MNAT1: variants seen among roughly 807,000 people sequenced by gnomAD.
MNAT1 encodes CDK-activating kinase assembly factor MAT1.
Under a neutral mutation model 42.0 loss-of-function variants are expected in MNAT1, and 43 were observed. The observed-to-expected ratio is 1.02, with a 90% CI of 0.80 to 1.32. The LOEUF (loss-of-function observed/expected upper bound fraction) is 1.32, where lower values mean the gene tolerates loss of function less well. MNAT1 is among the 40% of genes most tolerant of loss of function. The pLI, the probability that MNAT1 is intolerant of heterozygous loss-of-function variation, is 0.00. For missense variants in MNAT1, 306 were observed against 350.4 expected (o/e 0.87, Z 1.01); for synonymous variants, 118 against 120.0 (o/e 0.98, Z 0.11).
At chr14:60,850,904 T>C (rs1384206747) in intron 6 of MNAT1, among the ~76,000 whole-genome samples, 2 of 152,220 alleles carry the variant, frequency 1.3e-5, no homozygotes, top group Non-Finnish European at 2.9e-5. Flanking sequence ...GGGAAAATGA[T>C]CTGTTTTAAG....
Position 60,958,890 on chromosome 14 carries a change from C to T in MNAT1, c.810-9339C>T, listed in dbSNP as rs530816663. 4.6e-5 allele frequency among the ~76,000 whole-genome samples: 7 copies of T among 152,224 alleles called. No homozygotes were observed. In the South Asian group the frequency reaches 8.3e-4, roughly 18 times the overall value. Reference sequence around the variant, plus strand: ...TCCTGACCTCGTGATCTGCCTGCCTCGGCCTCCCAAAGTGCTGGGATTACA... The same window carrying T: ...TCCTGACCTCGTGATCTGCCTGCCTTGGCCTCCCAAAGTGCTGGGATTACA... On this transcript the variant is annotated intron_variant, in intron 7 of 7. Transcript: ENST00000261245.
intron 7 of MNAT1, among the ~76,000 whole-genome samples, chr14:60,911,896 G>T (rs2035375751): frequency 6.6e-6 from 1 of 152,046 alleles, no homozygotes; most frequent in Non-Finnish European, 1.5e-5. Flanking sequence ...CTGTCTCGTT[G>T]ATCTGTCTAA....
Position 60,872,869 on chromosome 14 carries a change from C to CACACACAT in MNAT1, c.688-6844_688-6843insCACACATA, listed in dbSNP as rs1006134171. On this transcript the variant is annotated intron_variant, in intron 6 of 7. Coordinates refer to ENST00000261245, the MANE Select transcript of MNAT1 (RefSeq NM_002431.4). ...ACACACACACACACACACACACACACATATATATATGCACTTTTTTTCCCC... is the reference window on the plus strand; with the variant it reads ...ACACACACACACACACACACACACACACACACATATATATATATGCACTTTTTTTCCCC... Among the ~76,000 whole-genome samples, 73 of 139,214 alleles carry CACACACAT rather than the reference C, an allele frequency of 5.2e-4. 1 individual carries two copies. The highest frequency in any genetic ancestry group is 1.8e-3 in the African/African-American group (68 of 36,828). 91.3% of individuals were successfully genotyped at this position (139,214 alleles called of 152,430 possible).
intron 6 of MNAT1, among the ~76,000 whole-genome samples, chr14:60,846,948 C>G (rs1248953292): frequency 1.3e-5 from 2 of 152,126 alleles, no homozygotes; most frequent in African/African-American, 4.8e-5. Flanking sequence ...AAATCTCTGA[C>G]TATTATTGTT....
intron 6 of MNAT1, among the ~76,000 whole-genome samples, chr14:60,852,751 G>A (rs2033855593): frequency 6.6e-6 from 1 of 152,142 alleles, no homozygotes; most frequent in Admixed American, 6.5e-5. Flanking sequence ...TCCAGTTTCA[G>A]TTTTCTGCAT....
At chr14:60,898,145 G>A (rs924546635) in intron 7 of MNAT1, among the ~76,000 whole-genome samples, 82 of 123,712 alleles carry the variant, frequency 6.6e-4, no homozygotes, top group African/African-American at 1.4e-3. Context: ...GTGTGTGCGC[G>A]CGCCACATTT....
rs557558334 is a variant in MNAT1, at chr14:60,920,685, C to T, written c.809+40850C>T. ...CTCGAACTCCTGACCTCAAGTGATC[C>T]ACCTGCCTCAGCCTCCCAAAGTGCT... On this transcript the variant is annotated intron_variant, in intron 7 of 7. Coordinates refer to ENST00000261245, the MANE Select transcript of MNAT1 (RefSeq NM_002431.4). 1.8e-4 allele frequency among the ~76,000 whole-genome samples: 28 copies of T among 152,234 alleles called. No individual in the cohort carries two copies. The East Asian group carries it at 5.2e-3, about 28-fold the overall frequency.
At chr14:60,955,895 T>C (rs891555513) in intron 7 of MNAT1, among the ~76,000 whole-genome samples, 1 of 152,108 alleles carries the variant, frequency 6.6e-6, no homozygotes, top group Non-Finnish European at 1.5e-5. Context: ...TTGAGTCTTC[T>C]TTCTTTTTTC....
At position 60,810,811 on chromosome 14, in the gene MNAT1, G is replaced by A. The variant is rs746078747; in HGVS notation, c.421-1176G>A. The stretch of plus-strand genomic sequence containing the variant: ...AGTTCTGTGTGTGCTTGGGAAGATC[G>A]TGTATTCCGCTGCTGTTGAGTAGAA... On this transcript the variant is annotated intron_variant, in intron 4 of 7. Transcript: ENST00000261245. Among the ~76,000 whole-genome samples, 7 of 152,230 alleles carry A rather than the reference G, an allele frequency of 4.6e-5. No individual in the cohort carries two copies. The East Asian group carries it at 7.7e-4, about 17-fold the overall frequency.
chr14:60,741,658 G>T (rs375387266), intron 1 of MNAT1, among the ~76,000 whole-genome samples: 80 of 92,026 alleles, frequency 8.7e-4, no homozygotes, highest in African/African-American at 2.4e-3. Flanking sequence ...TGCGCCTGGG[G>T]TTTTTTTTTT....
intron 1 of MNAT1, among the ~76,000 whole-genome samples, chr14:60,775,063 G>A (rs2031199523): frequency 6.6e-6 from 1 of 152,108 alleles, no homozygotes; most frequent in African/African-American, 2.4e-5. Flanking sequence ...AGGGGGAGAA[G>A]AATGCCCACG....
intron 6 of MNAT1, among the ~76,000 whole-genome samples, chr14:60,821,488 C>A (rs2032888738): frequency 6.6e-6 from 1 of 152,152 alleles, no homozygotes; most frequent in Admixed American, 6.5e-5. Flanking sequence ...ATATTAGGCT[C>A]ACATTTAATA....
intron 6 of MNAT1, among the ~76,000 whole-genome samples, chr14:60,844,492 A>G (rs372806720): frequency 1.3e-5 from 2 of 152,028 alleles, no homozygotes; most frequent in Admixed American, 1.3e-4. Flanking sequence ...GGAAATAGTT[A>G]TTTCAAATCT....
intron 1 of MNAT1, among the ~76,000 whole-genome samples, chr14:60,784,978 G>C (rs1488605808): frequency 1.3e-5 from 2 of 152,014 alleles, no homozygotes; most frequent in Non-Finnish European, 2.9e-5. Flanking sequence ...TCAGCCTCCT[G>C]AGTAGCTGGG....
At chr14:60,859,620 G>A (rs992578245) in intron 6 of MNAT1, among the ~76,000 whole-genome samples, 5 of 152,032 alleles carry the variant, frequency 3.3e-5, no homozygotes, top group African/African-American at 9.7e-5. Context: ...TTCTTTAAAC[G>A]CACTACTGTT....
chr14:60,950,520 C>A (rs1034837166), intron 7 of MNAT1, among the ~76,000 whole-genome samples: 6 of 152,182 alleles, frequency 3.9e-5, no homozygotes, highest in Admixed American at 3.3e-4. Context: ...GCCTGCAGGC[C>A]ACATGCAGCC....
At chr14:60,801,799 T>C (rs2032209872) in intron 3 of MNAT1, among the ~76,000 whole-genome samples, 1 of 152,172 alleles carries the variant, frequency 6.6e-6, no homozygotes, top group African/African-American at 2.4e-5. Flanking sequence ...AGAACTACCA[T>C]ATGATCCAGT....
chr14:60,836,777 A>C (rs796611338), intron 6 of MNAT1, among the ~76,000 whole-genome samples: 42 of 152,242 alleles, frequency 2.8e-4, no homozygotes, highest in African/African-American at 9.9e-4. Context: ...GTGCCAGGAG[A>C]TCTGCTGCTC....
intron 6 of MNAT1, among the ~76,000 whole-genome samples, chr14:60,855,116 G>A (rs138034388): frequency 1.6e-3 from 237 of 152,276 alleles, no homozygotes; most frequent in African/African-American, 5.3e-3. Context: ...AACACTGTCA[G>A]GGAAAACCAC....
Sources: allele counts gnomAD v4.1 joint callset (sites outside exome capture counted in the v4.1 genomes callset), GRCh38; gene constraint gnomAD v4.1.1; transcripts MANE v1.5; gene names NCBI Gene and HGNC (gene_info 2026-07-23, HGNC 2026-07-21).